The following RBFOX1 variants were observed in gnomAD, a reference collection of about 807,000 sequenced individuals.
RBFOX1 encodes the protein RNA binding fox-1 homolog 1.
A neutral mutation model predicts 57.7 loss-of-function variants in RBFOX1; 8 were observed. That is an observed-to-expected ratio of 0.14 (90% CI 0.08 to 0.25). RBFOX1 has a LOEUF of 0.25. Ranked by LOEUF, RBFOX1 falls within the 10% of genes least tolerant of loss-of-function variation. The pLI is 1.00. For missense variants in RBFOX1, 611 were observed against 548.5 expected, an observed-to-expected ratio of 1.11 and a Z score of -1.14; for synonymous variants, 326 against 222.4, an observed-to-expected ratio of 1.47 and a Z score of -4.15.
At chr16:5,335,071 C>G (rs1301051892) in intron 1 of RBFOX1, among the ~76,000 whole-genome samples, 1 of 152,140 alleles carries the variant, frequency 6.6e-6, no homozygotes, top group East Asian at 1.9e-4. Flanking sequence ...AATTTCTGTG[C>G]TCACTGGCAG....
At chr16:6,833,022 C>T (rs1320448958) in intron 3 of RBFOX1, among the ~76,000 whole-genome samples, 1 of 152,132 alleles carries the variant, frequency 6.6e-6, no homozygotes, top group African/African-American at 2.4e-5. Context: ...AGCACTAGTC[C>T]TACAGGCCTC....
intron 4 of RBFOX1, among the ~76,000 whole-genome samples, chr16:7,433,500 A>T (rs2098698471): frequency 6.6e-6 from 1 of 152,246 alleles, no homozygotes; most frequent in Non-Finnish European, 1.5e-5. Flanking sequence ...GCTGTGTTGG[A>T]GTACAGACAA....
intron 3 of RBFOX1, among the ~76,000 whole-genome samples, chr16:5,858,941 C>G (rs957834187): frequency 2.0e-5 from 3 of 152,138 alleles, no homozygotes; most frequent in African/African-American, 4.8e-5. Flanking sequence ...GGGGCCGGGT[C>G]TGGTGGCTCA....
rs1004390276 is a variant in RBFOX1, at chr16:6,058,593, CCCACCCAT to C, written c.-127+38613_-127+38620del. 5.3e-5 allele frequency among the ~76,000 whole-genome samples: 8 copies of C among 151,816 alleles called. No individual in the cohort carries two copies. In the South Asian group the frequency reaches 1.5e-3, roughly 28 times the overall value. On this transcript the variant is annotated intron_variant, in intron 1 of 15. Transcript: ENST00000550418. ...ATCCATGTATTCATCCATCTATCTACCCACCCATCCACCCATCCATCCACCCATCCATC... is the reference window on the plus strand; with the variant it reads ...ATCCATGTATTCATCCATCTATCTACCCACCCATCCATCCACCCATCCATC...
chr16:6,311,316 A>AG (rs1555619076), intron 1 of RBFOX1, among the ~76,000 whole-genome samples: 23 of 147,654 alleles, frequency 1.6e-4, no homozygotes, highest in African/African-American at 5.7e-4. Context: ...AAAAAAAAAA[A>AG]GAATAAAAGA....
chr16:6,042,472 C>G (rs1184218654), intron 1 of RBFOX1, among the ~76,000 whole-genome samples: 2 of 152,124 alleles, frequency 1.3e-5, no homozygotes, highest in Non-Finnish European at 2.9e-5. Context: ...ATCTCCCTAT[C>G]TTTAGGTCAG....
At chr16:5,517,607 T>G (rs1191139415) in intron 2 of RBFOX1, among the ~76,000 whole-genome samples, 3 of 152,208 alleles carry the variant, frequency 2.0e-5, no homozygotes, top group Admixed American at 1.3e-4. Context: ...AGGGTGAGTT[T>G]CCTAAGATGT....
intron 3 of RBFOX1, among the ~76,000 whole-genome samples, chr16:6,907,382 T>G (rs7201048): frequency 1.3e-5 from 2 of 151,954 alleles, no homozygotes; most frequent in African/African-American, 4.8e-5. Context: ...GGTATCCATG[T>G]ATTGGTTTTC....
intron 1 of RBFOX1, chr16:6,056,885 C>A (rs2095621313): frequency 6.9e-6 from 1 of 145,178 alleles, no homozygotes. Flanking sequence ...GAGCTGCATA[C>A]AGAAAGAACA....
intron 4 of RBFOX1, among the ~76,000 whole-genome samples, chr16:5,944,964 T>TAAAAA (rs386384118): frequency 3.3e-4 from 16 of 48,018 alleles, no homozygotes; most frequent in Middle Eastern, 0.012. Flanking sequence ...GACTCTGTCA[T>TAAAAA]AAAAAAAAAA....
intron 3 of RBFOX1, among the ~76,000 whole-genome samples, chr16:6,839,257 T>C (rs1291429190): frequency 6.6e-6 from 1 of 152,138 alleles, no homozygotes. Flanking sequence ...AGTGCTGGGA[T>C]TACAGGCAAG....
intron 4 of RBFOX1, among the ~76,000 whole-genome samples, chr16:5,954,089 C>A (rs1006609945): frequency 2.6e-5 from 4 of 152,260 alleles, no homozygotes; most frequent in African/African-American, 9.6e-5. Flanking sequence ...ACAGGACAGC[C>A]CCCTGCCATC....
chr16:6,690,924 C>G lies in RBFOX1; in HGVS notation c.-16+36274C>G, dbSNP rs374772751. On this transcript the variant is annotated intron_variant, in intron 3 of 15. Coordinates refer to ENST00000550418, the MANE Select transcript of RBFOX1 (RefSeq NM_018723.4). ...TTTGGGTTTTCATTTTCACCTCCGG[C>G]TAAATCTGTCAACCTGTGATGAGGT... 7.9e-5 allele frequency among the ~76,000 whole-genome samples: 12 copies of G among 152,108 alleles called. 1 individual carries two copies. In the East Asian group the frequency reaches 1.9e-3, roughly 24 times the overall value.
intron 3 of RBFOX1, among the ~76,000 whole-genome samples, chr16:6,800,471 C>T (rs1357130331): frequency 3.3e-5 from 5 of 152,046 alleles, no homozygotes; most frequent in Admixed American, 1.3e-4. Flanking sequence ...CAATAAGTCT[C>T]GGGTGGGGTC....
intron 3 of RBFOX1, among the ~76,000 whole-genome samples, chr16:6,899,112 C>A (rs944864687): frequency 6.7e-6 from 1 of 149,886 alleles, no homozygotes; most frequent in African/African-American, 2.5e-5. Flanking sequence ...TCTGTGTATA[C>A]GTGTTTATGC....
intron 4 of RBFOX1, among the ~76,000 whole-genome samples, chr16:7,339,797 T>A (rs2096858801): frequency 2.0e-5 from 3 of 152,108 alleles, no homozygotes; most frequent in Admixed American, 6.5e-5. Flanking sequence ...TAAGTCCTAT[T>A]GGTTAAAGGG....
At chr16:5,490,486 T>C (rs2042790677) in intron 2 of RBFOX1, among the ~76,000 whole-genome samples, 1 of 152,218 alleles carries the variant, frequency 6.6e-6, no homozygotes, top group Non-Finnish European at 1.5e-5. Context: ...CCTGGGAACC[T>C]GGCGTTGCTA....
intron 4 of RBFOX1, among the ~76,000 whole-genome samples, chr16:7,440,010 G>A (rs963019908): frequency 6.9e-6 from 1 of 145,020 alleles, no homozygotes; most frequent in African/African-American, 2.6e-5. Context: ...GCAGTGCAGT[G>A]GTGAGATCAC....
chr16:6,667,197 G>T (rs2098738361), intron 3 of RBFOX1, among the ~76,000 whole-genome samples: 1 of 152,118 alleles, frequency 6.6e-6, no homozygotes. Context: ...TGATGGGCCG[G>T]AAACCTAAAC....
Sources: allele counts gnomAD v4.1 joint callset (sites outside exome capture counted in the v4.1 genomes callset), GRCh38; gene constraint gnomAD v4.1.1; transcripts MANE v1.5; gene names NCBI Gene and HGNC (gene_info 2026-07-23, HGNC 2026-07-21).